PPP2R2A: variants seen among roughly 807,000 people sequenced by gnomAD.
The protein encoded by PPP2R2A is protein phosphatase 2 regulatory subunit Balpha, also known as serine/threonine-protein phosphatase 2A 55 kDa regulatory subunit B alpha isoform.
A neutral mutation model predicts 53.2 loss-of-function variants in PPP2R2A; 9 were observed. That is an observed-to-expected ratio of 0.17 (90% CI 0.10 to 0.30). PPP2R2A has a LOEUF of 0.30. PPP2R2A is among the 10% of genes least tolerant of loss of function. PPP2R2A has a pLI of 1.00. For synonymous variants in PPP2R2A, 169 were observed against 174.2 expected (o/e 0.97, Z 0.23); for missense variants, 235 against 534.6 (o/e 0.44, Z 5.53).
Position 26,363,755 on chromosome 8 carries a change from A to C in PPP2R2A, c.837A>C (p.Ser279=). 6.2e-7 allele frequency: 1 copy of C among 1,600,432 alleles called. No individual in the cohort carries two copies. The highest frequency in any genetic ancestry group is 1.7e-4 in the Middle Eastern group (1 of 6,004). Residue 279 remains serine (S), a synonymous_variant, in exon 8 of 10, where the codon TCA becomes TCC. Transcript: ENST00000380737. ...AACCTGAAGATCCCAGTAACAGGTC[A>C]TTTTTTTCCGAAATCATCTCCTCTA... ...FEEPEDPSNR[S]FFSEIISSIS...
intron 6 of PPP2R2A, among the ~76,000 whole-genome samples, chr8:26,361,795 C>A (rs898283389): frequency 1.3e-5 from 2 of 150,586 alleles, no homozygotes; most frequent in Non-Finnish European, 3.0e-5. Flanking sequence ...CCCCGTCTCT[C>A]CTAAAAATAC....
chr8:26,311,220 A>G (rs762159100), intron 2 of PPP2R2A, among the ~76,000 whole-genome samples: 1 of 152,220 alleles, frequency 6.6e-6, no homozygotes, highest in African/African-American at 2.4e-5. Context: ...GCCTCAGAAC[A>G]TTTAATTGAT....
At chr8:26,312,376 C>T (rs1220011903) in intron 2 of PPP2R2A, among the ~76,000 whole-genome samples, 1 of 152,194 alleles carries the variant, frequency 6.6e-6, no homozygotes, top group Admixed American at 6.5e-5. Flanking sequence ...GTGATTTTTG[C>T]ATTTCTGATC....
chr8:26,344,532 T>C (rs1804110633), intron 3 of PPP2R2A, among the ~76,000 whole-genome samples: 1 of 152,222 alleles, frequency 6.6e-6, no homozygotes, highest in African/African-American at 2.4e-5. Flanking sequence ...TGATCTGTTT[T>C]CTGTCATAGG....
chr8:26,347,226 A>G (rs1413130967), intron 3 of PPP2R2A, among the ~76,000 whole-genome samples: 4 of 150,654 alleles, frequency 2.7e-5, no homozygotes, highest in Admixed American at 2.6e-4. Flanking sequence ...ATCTTCTCTC[A>G]GAGAGAAACC....
chr8:26,334,009 T>C (rs1272717500), intron 2 of PPP2R2A, among the ~76,000 whole-genome samples: 2 of 89,138 alleles, frequency 2.2e-5, no homozygotes, highest in Non-Finnish European at 4.4e-5. Context: ...ATTACATTAC[T>C]TTTTTTTTAA....
At chr8:26,349,217 A>G (rs1221830209) in intron 3 of PPP2R2A, among the ~76,000 whole-genome samples, 1 of 150,154 alleles carries the variant, frequency 6.7e-6, no homozygotes, top group Non-Finnish European at 1.5e-5. Flanking sequence ...AATATTGCTT[A>G]GTTTTGGTGG....
At chr8:26,293,126 CCT>C (rs531651025) in intron 1 of PPP2R2A, 4 of 1,045,924 alleles carry the variant, frequency 3.8e-6, no homozygotes, top group Middle Eastern at 2.1e-4. Flanking sequence ...GGTTTCTTTT[CCT>C]CTCTGTCTGG....
intron 2 of PPP2R2A, among the ~76,000 whole-genome samples, chr8:26,305,425 C>G (rs191605795): frequency 6.6e-6 from 1 of 152,094 alleles, no homozygotes; most frequent in East Asian, 1.9e-4. Context: ...TTTGAGTAGT[C>G]TAGGTAGAAC....
intron 2 of PPP2R2A, among the ~76,000 whole-genome samples, chr8:26,315,350 C>T (rs567721700): frequency 6.6e-6 from 1 of 152,200 alleles, no homozygotes; most frequent in South Asian, 2.1e-4. Context: ...TGTCTTATCT[C>T]AGTGGGAGGT....
chr8:26,300,472 A>G (rs1801730181), intron 2 of PPP2R2A, among the ~76,000 whole-genome samples: 1 of 152,350 alleles, frequency 6.6e-6, no homozygotes, highest in Non-Finnish European at 1.5e-5. Flanking sequence ...AATATCCTCA[A>G]CTGTAATCTC....
intron 2 of PPP2R2A, among the ~76,000 whole-genome samples, chr8:26,302,675 G>T (rs1801842165): frequency 6.6e-6 from 1 of 152,188 alleles, no homozygotes; most frequent in Non-Finnish European, 1.5e-5. Context: ...AGTGAGGCTG[G>T]ATTTTCTTCA....
At chr8:26,308,880 T>G (rs1442377409) in intron 2 of PPP2R2A, among the ~76,000 whole-genome samples, 1 of 152,112 alleles carries the variant, frequency 6.6e-6, no homozygotes, top group African/African-American at 2.4e-5. Context: ...ATATACTTTT[T>G]TTGAGATAGG....
At chr8:26,293,576 G>T in intron 1 of PPP2R2A, 90 bp from the exon 2 acceptor site, 1 of 1,279,160 alleles carries the variant, frequency 7.8e-7, no homozygotes. Flanking sequence ...TAGGCTGTTA[G>T]TATCATGCCA....
At chr8:26,350,933 C>T (rs538786131) in intron 3 of PPP2R2A, among the ~76,000 whole-genome samples, 3 of 152,202 alleles carry the variant, frequency 2.0e-5, no homozygotes, top group African/African-American at 7.2e-5. Context: ...GGTTGGATCA[C>T]TTGAGCCCAG....
chr8:26,294,028 CTTTG>C (rs1274142250), intron 2 of PPP2R2A, among the ~76,000 whole-genome samples: 1 of 152,108 alleles, frequency 6.6e-6, no homozygotes, highest in Admixed American at 6.5e-5. Flanking sequence ...ATAAGGGTTT[CTTTG>C]TTATGTAAAT....
At chr8:26,312,537 G>C (rs1802337739) in intron 2 of PPP2R2A, among the ~76,000 whole-genome samples, 4 of 152,134 alleles carry the variant, frequency 2.6e-5, no homozygotes, top group Non-Finnish European at 1.5e-5. Context: ...GATCTATTGT[G>C]CTGTTCTCAC....
intron 2 of PPP2R2A, among the ~76,000 whole-genome samples, chr8:26,312,001 A>G (rs990860027): frequency 2.0e-5 from 3 of 151,460 alleles, no homozygotes; most frequent in Non-Finnish European, 4.4e-5. Context: ...TACCTAGGGC[A>G]ACGTTGTAAA....
Position 26,360,756 on chromosome 8 carries a change from AG to A in PPP2R2A, c.460-217del. 1 of 468,116 alleles carries A rather than the reference AG, an allele frequency of 2.1e-6. No individual in the cohort carries two copies. The highest frequency in any genetic ancestry group is 3.7e-6 in the Non-Finnish European group (1 of 271,070). 29.0% of individuals were successfully genotyped at this position (468,116 alleles called of 1,614,324 possible). ...GAAACTAAGAACTGCAAATTCTAAT[AG>A]TATTGCAACCAGTAAAAGAAGATAT... On this transcript the variant is annotated intron_variant, in intron 5 of 9. Transcript: ENST00000380737. The surrounding 1 kb of genome is among the most constrained non-coding windows in gnomAD (Gnocchi z 4.5).
Sources: allele counts gnomAD v4.1 joint callset (sites outside exome capture counted in the v4.1 genomes callset), GRCh38; gene constraint gnomAD v4.1.1; non-coding constraint Gnocchi (gnomAD v3.1); transcripts MANE v1.5; gene names NCBI Gene and HGNC (gene_info 2026-07-23, HGNC 2026-07-21).